Variants in ASCC1 observed in about 807,000 individuals in gnomAD.
The protein encoded by ASCC1 is activating signal cointegrator 1 complex subunit 1.
In ASCC1, 35 loss-of-function variants were observed where a neutral mutation model predicts 46.6. The ratio of observed to expected loss-of-function variants is 0.75; its 90% CI spans 0.57 to 0.99. The LOEUF is 0.99. Ranked by LOEUF, ASCC1 falls within the 50% of genes least tolerant of loss-of-function variation. The pLI, the probability that ASCC1 is intolerant of heterozygous loss-of-function variation, is 0.00. For synonymous variants in ASCC1, 143 were observed against 146.6 expected (o/e 0.98, Z 0.18); for missense variants, 376 against 428.7 (o/e 0.88, Z 1.09).
chr10:72,110,647 C>T (rs925248731), intron 9 of ASCC1, among the ~76,000 whole-genome samples: 4 of 152,068 alleles, frequency 2.6e-5, no homozygotes, highest in East Asian at 1.9e-4. Flanking sequence ...ATCAGCTGGG[C>T]GTGGTGGCAC....
chr10:72,134,596 C>T (rs1263266886), intron 7 of ASCC1: 1 of 152,308 alleles, frequency 6.6e-6, no homozygotes, highest in African/African-American at 2.4e-5. Flanking sequence ...TTTCTCCAGT[C>T]CTTGAATGTA....
In ASCC1 at chr10:72,176,777, T is replaced by C. The variant is rs533550901; in HGVS notation, c.490-15103A>G. 4.5e-3 allele frequency among the ~76,000 whole-genome samples: 657 copies of C among 145,354 alleles called. 6 individuals are homozygous for C. The highest frequency in any genetic ancestry group is 0.017 in the African/African-American group (608 of 34,950). On this transcript the variant is annotated intron_variant, in intron 5 of 9. Transcript: ENST00000672957. ...CTTCCTTACTCTACCTCTTTCTAAG[T>C]ACCAGCCTTAACAAATTCCTCACTC...
At chr10:72,149,559 C>T (rs2132518921) in intron 7 of ASCC1, among the ~76,000 whole-genome samples, 1 of 145,058 alleles carries the variant, frequency 6.9e-6, no homozygotes, top group East Asian at 2.1e-4. Context: ...TCATGTAAAA[C>T]AAAAACTCTT....
Position 72,149,123 on chromosome 10 carries a change from T to A in ASCC1, c.746+3746A>T, listed in dbSNP as rs113554077. On this transcript the variant is annotated intron_variant, in intron 7 of 9. Coordinates refer to ENST00000672957, the MANE Select transcript of ASCC1 (RefSeq NM_001198800.3). Reference sequence around the variant, plus strand: ...ACTAAATTTGGGGGTTGGAAAATAGTGTTACTTTTCAGTTAAAAAAAAAAA... The same window carrying A: ...ACTAAATTTGGGGGTTGGAAAATAGAGTTACTTTTCAGTTAAAAAAAAAAA... Among the ~76,000 whole-genome samples the A allele has an allele frequency of 9.7e-3, 1,470 of 151,776 alleles. 20 individuals carry two copies. Among genetic ancestry groups the A allele is most frequent in the African/African-American group, 0.034 (1,398 of 41,380 alleles).
intron 8 of ASCC1, among the ~76,000 whole-genome samples, chr10:72,129,257 C>G (rs7076615): frequency 0.015 from 2,287 of 152,162 alleles, 49 homozygotes; most frequent in African/African-American, 0.053. Flanking sequence ...TGCAAAAGAA[C>G]AACAAATAAA....
intron 9 of ASCC1, among the ~76,000 whole-genome samples, chr10:72,109,630 C>T (rs1318592575): frequency 6.6e-6 from 1 of 152,168 alleles, no homozygotes; most frequent in Non-Finnish European, 1.5e-5. Flanking sequence ...TAAGGATTAT[C>T]AAGTTTAAGA....
chr10:72,154,494 T>G (rs1441574060), intron 6 of ASCC1, among the ~76,000 whole-genome samples: 1 of 124,692 alleles, frequency 8.0e-6, no homozygotes, highest in African/African-American at 3.4e-5. Flanking sequence ...ATGCATAGGG[T>G]TTTTTTTTTT....
chr10:72,208,040 G>A (rs990382910), intron 3 of ASCC1, among the ~76,000 whole-genome samples: 2 of 151,838 alleles, frequency 1.3e-5, no homozygotes, highest in Admixed American at 1.3e-4. Flanking sequence ...TGCCCAAGCT[G>A]GGTGGTCTCC....
chr10:72,156,210 C>T (rs983817215), intron 6 of ASCC1, among the ~76,000 whole-genome samples: 2 of 152,190 alleles, frequency 1.3e-5, no homozygotes, highest in Admixed American at 6.5e-5. Flanking sequence ...GGCACCTCCC[C>T]TGCCACTCTC....
At chr10:72,107,141 G>C (rs1842424452) in intron 9 of ASCC1, among the ~76,000 whole-genome samples, 1 of 151,564 alleles carries the variant, frequency 6.6e-6, no homozygotes, top group Non-Finnish European at 1.5e-5. Context: ...ATGACTTCAG[G>C]GAGCAAACAG....
chr10:72,193,773 C>T (rs1854925534), intron 5 of ASCC1, among the ~76,000 whole-genome samples: 1 of 151,790 alleles, frequency 6.6e-6, no homozygotes, highest in East Asian at 1.9e-4. Flanking sequence ...AAAGTCTTAC[C>T]TCTTACTGTA....
Position 72,213,307 on chromosome 10 carries a change from C to G in ASCC1, c.-9G>C. On this transcript the variant is annotated 5_prime_UTR_variant, in exon 2 of 10. Coordinates refer to ENST00000672957, the MANE Select transcript of ASCC1 (RefSeq NM_001198800.3). ...GGACGCAGAACTTCCATGACACTTT[C>G]TCCAAATGATATTCCAATTATGCCC... 1.3e-6 allele frequency: 2 copies of G among 1,585,464 alleles called. No homozygotes were observed. The highest frequency in any genetic ancestry group is 1.7e-6 in the Non-Finnish European group (2 of 1,154,414).
chr10:72,143,470 T>C (rs549054741), intron 7 of ASCC1, among the ~76,000 whole-genome samples: 4 of 151,718 alleles, frequency 2.6e-5, no homozygotes, highest in Non-Finnish European at 5.9e-5. Flanking sequence ...CTCAAGTAGC[T>C]GGGATTACAG....
intron 5 of ASCC1, among the ~76,000 whole-genome samples, chr10:72,181,712 G>A (rs1272981613): frequency 6.6e-6 from 1 of 151,470 alleles, no homozygotes; most frequent in Non-Finnish European, 1.5e-5. Flanking sequence ...TTCTGAGATG[G>A]TCTCACTCTG....
intron 7 of ASCC1, among the ~76,000 whole-genome samples, chr10:72,151,544 T>C (rs1848325060): frequency 6.6e-6 from 1 of 152,110 alleles, no homozygotes; most frequent in Non-Finnish European, 1.5e-5. Flanking sequence ...TGTATACATA[T>C]GTAACAAACC....
chr10:72,152,794 T>G, intron 7 of ASCC1, 75 bp downstream of exon 7: 1 of 1,563,682 alleles, frequency 6.4e-7, no homozygotes, highest in Non-Finnish European at 8.8e-7. Context: ...AGAAAAGGAA[T>G]CAAAATGAAT....
intron 9 of ASCC1, among the ~76,000 whole-genome samples, chr10:72,111,533 C>G (rs1301177955): frequency 6.6e-6 from 1 of 152,094 alleles, no homozygotes; most frequent in Non-Finnish European, 1.5e-5. Context: ...AGAATAAACT[C>G]TGAATTGAAT....
intron 5 of ASCC1, among the ~76,000 whole-genome samples, chr10:72,190,995 CA>C (rs556780486): frequency 6.2e-4 from 54 of 87,104 alleles, no homozygotes; most frequent in South Asian, 1.4e-3. Flanking sequence ...GACGCCGTCT[CA>C]AAAAAAAAAA....
At chr10:72,142,294 G>A (rs1847113338) in intron 7 of ASCC1, among the ~76,000 whole-genome samples, 1 of 151,156 alleles carries the variant, frequency 6.6e-6, no homozygotes, top group Admixed American at 6.6e-5. Flanking sequence ...AACCAGTTTA[G>A]TCATGAGAGT....
Sources: gnomAD v4.1 joint callset for allele counts (sites outside exome capture counted in the v4.1 genomes callset) on GRCh38, gnomAD v4.1.1 for gene constraint, MANE v1.5 for transcripts, NCBI Gene and HGNC (gene_info 2026-07-23, HGNC 2026-07-21) for gene names.